Variants in DLG1 observed in about 807,000 individuals in gnomAD.
The protein encoded by DLG1 is disks large homolog 1.
DLG1 carries 42 observed loss-of-function variants against 123.4 expected under a neutral mutation model. The observed-to-expected ratio is 0.34, with a 90% CI of 0.27 to 0.44. The LOEUF (loss-of-function observed/expected upper bound fraction) is 0.44, where lower values mean the gene tolerates loss of function less well. Ranked by LOEUF, DLG1 falls within the 20% of genes least tolerant of loss-of-function variation. The pLI, the probability that DLG1 is intolerant of heterozygous loss-of-function variation, is 1.00. For missense variants in DLG1, 942 were observed against 1,082.6 expected, an observed-to-expected ratio of 0.87 and a Z score of 1.82; for synonymous variants, 317 against 356.2, an observed-to-expected ratio of 0.89 and a Z score of 1.24.
chr3:197,148,762 T>C (rs1792407906), intron 6 of DLG1, among the ~76,000 whole-genome samples: 1 of 152,170 alleles, frequency 6.6e-6, no homozygotes, highest in Non-Finnish European at 1.5e-5. Context: ...TGTTGGATTA[T>C]GCAATGGCTT....
chr3:197,205,078 C>T (rs1257308512), intron 4 of DLG1, among the ~76,000 whole-genome samples: 1 of 152,116 alleles, frequency 6.6e-6, no homozygotes, highest in Non-Finnish European at 1.5e-5. Flanking sequence ...AAAATGTGTT[C>T]AACCTTCATA....
intron 4 of DLG1, among the ~76,000 whole-genome samples, chr3:197,255,654 G>C (rs2150906913): frequency 6.6e-6 from 1 of 152,032 alleles, no homozygotes; most frequent in South Asian, 2.1e-4. Context: ...GCAATAAAAA[G>C]GAACAAGCTA....
chr3:197,220,967 C>T (rs1434662052), intron 4 of DLG1, among the ~76,000 whole-genome samples: 5 of 152,192 alleles, frequency 3.3e-5, no homozygotes, highest in Admixed American at 3.3e-4. Context: ...CCAATTCTAA[C>T]AAGCAAACTG....
chr3:197,272,683 A>G (rs1764419639), intron 4 of DLG1, among the ~76,000 whole-genome samples: 1 of 152,202 alleles, frequency 6.6e-6, no homozygotes. Flanking sequence ...GGATGAAAAA[A>G]CTTTACCTAC....
chr3:197,081,189 T>C (rs1027337980), intron 16 of DLG1, 72 bp from the exon 17 acceptor site: 18 of 1,413,216 alleles, frequency 1.3e-5, no homozygotes, highest in African/African-American at 4.3e-5. Flanking sequence ...ATAACCAGAA[T>C]TGTTATCTTT....
chr3:197,263,594 C>T (rs1007853093), intron 4 of DLG1, among the ~76,000 whole-genome samples: 4 of 152,072 alleles, frequency 2.6e-5, no homozygotes, highest in Non-Finnish European at 5.9e-5. Context: ...CGAGACCAGC[C>T]TGGCCAACAT....
At chr3:197,058,084 T>TC (rs529082952) in intron 23 of DLG1, among the ~76,000 whole-genome samples, 3 of 151,910 alleles carry the variant, frequency 2.0e-5, no homozygotes, top group Non-Finnish European at 1.5e-5. Flanking sequence ...GCTCAAGCAA[T>TC]CCCCCCATCT....
In DLG1 at chr3:197,281,022, CT is replaced by C. The variant is rs34918314; in HGVS notation, c.318+1656del. 6.4e-3 allele frequency among the ~76,000 whole-genome samples: 853 copies of C among 133,534 alleles called. 7 individuals carry two copies. The highest frequency in any genetic ancestry group is 0.019 in the African/African-American group (693 of 35,592). 87.6% of individuals were successfully genotyped at this position (133,534 alleles called of 152,430 possible). A position where few individuals can be genotyped will look rare whatever the true frequency, so the allele number is the denominator to read the frequency against. Reference sequence around the variant, plus strand: ...ACATGCTAAACTTTTTGTGGAGGCTCTTTTTTTTTTTTTTTTTTGAGACGGA... The same window carrying C: ...ACATGCTAAACTTTTTGTGGAGGCTCTTTTTTTTTTTTTTTTTGAGACGGA... On this transcript the variant is annotated intron_variant, in intron 4 of 24. Coordinates refer to ENST00000667157, the MANE Select transcript of DLG1 (RefSeq NM_001366207.1).
chr3:197,128,498 C>G (rs1429276409), intron 11 of DLG1, among the ~76,000 whole-genome samples: 1 of 152,202 alleles, frequency 6.6e-6, no homozygotes, highest in East Asian at 1.9e-4. Context: ...CTGGAATCAA[C>G]ATCTTTGAAA....
chr3:197,183,809 C>T, intron 5 of DLG1: 1 of 1,548,390 alleles, frequency 6.5e-7, no homozygotes, highest in South Asian at 1.2e-5. Context: ...TGTAATTCAT[C>T]TCTGCAGCCC....
At chr3:197,275,617 ATCTT>A (rs1201551477) in intron 4 of DLG1, among the ~76,000 whole-genome samples, 1 of 152,262 alleles carries the variant, frequency 6.6e-6, no homozygotes, top group Non-Finnish European at 1.5e-5. Flanking sequence ...CCTGAAGGAT[ATCTT>A]ATGAGAAATA....
intron 4 of DLG1, among the ~76,000 whole-genome samples, chr3:197,259,270 A>C (rs916273585): frequency 1.3e-5 from 2 of 152,202 alleles, no homozygotes; most frequent in Non-Finnish European, 2.9e-5. Flanking sequence ...GGTACAGAGA[A>C]GACATCTCCT....
intron 3 of DLG1, among the ~76,000 whole-genome samples, chr3:197,285,487 C>T (rs1243448564): frequency 6.6e-6 from 1 of 151,778 alleles, no homozygotes; most frequent in Non-Finnish European, 1.5e-5. Flanking sequence ...AAGCCACAGA[C>T]AGGGAGAAAA....
intron 4 of DLG1, among the ~76,000 whole-genome samples, chr3:197,214,154 T>G (rs924493844): frequency 2.0e-5 from 3 of 152,110 alleles, no homozygotes; most frequent in Non-Finnish European, 4.4e-5. Flanking sequence ...AATGGCCATT[T>G]GGGGAAAAAT....
chr3:197,069,240 T>C lies in DLG1; in HGVS notation c.2026A>G (p.Ser676Gly). The C allele has an allele frequency of 6.3e-7, 1 of 1,590,968 alleles. No homozygotes were observed. The change falls in exon 19 of 25, where the codon AGC (serine) becomes GGC (glycine). Residue 676 changes from serine to glycine, a missense_variant. Transcript: ENST00000667157. ...TTACGGTAACTACTTTCACTATCGCTGGCATTAGAAGTTACATGCTCTGAA... is the reference window on the plus strand; with the variant it reads ...TTACGGTAACTACTTTCACTATCGCCGGCATTAGAAGTTACATGCTCTGAA... The part of the protein sequence containing the change: ...DADQHVTSNA[S>G]DSESSYRGQE...
chr3:197,128,820 A>G (rs1781070542), intron 11 of DLG1, among the ~76,000 whole-genome samples: 1 of 152,144 alleles, frequency 6.6e-6, no homozygotes, highest in African/African-American at 2.4e-5. Context: ...TCAGAGCACT[A>G]ATATTTTGAA....
intron 4 of DLG1, among the ~76,000 whole-genome samples, chr3:197,256,968 A>C (rs544424554): frequency 1.3e-5 from 2 of 152,180 alleles, no homozygotes; most frequent in Non-Finnish European, 2.9e-5. Flanking sequence ...TATGATCTAC[A>C]CTAAAAAATT....
At position 197,211,125 on chromosome 3, in the gene DLG1, C is replaced by T. The variant is rs1731056402; in HGVS notation, c.319-16536G>A. ...TATGTGATCCAATTGAATACCAATTCATAAAACTCTCAGCAAACTAAAAAT... is the reference window on the plus strand; with the variant it reads ...TATGTGATCCAATTGAATACCAATTTATAAAACTCTCAGCAAACTAAAAAT... On this transcript the variant is annotated intron_variant, in intron 4 of 24. Coordinates refer to ENST00000667157, the MANE Select transcript of DLG1 (RefSeq NM_001366207.1). Among the ~76,000 whole-genome samples the T allele has an allele frequency of 1.4e-5, 2 of 146,204 alleles. 1 individual carries two copies. The highest frequency in any genetic ancestry group is 3.1e-5 in the Non-Finnish European group (2 of 65,224).
intron 12 of DLG1, among the ~76,000 whole-genome samples, chr3:197,116,516 T>C (rs953499494): frequency 1.3e-5 from 2 of 152,152 alleles, no homozygotes; most frequent in African/African-American, 4.8e-5. Context: ...GGATGAACCA[T>C]AACCAACCTA....
Sources: gnomAD v4.1 joint callset for allele counts (sites outside exome capture counted in the v4.1 genomes callset) on GRCh38, gnomAD v4.1.1 for gene constraint, MANE v1.5 for transcripts, NCBI Gene and HGNC (gene_info 2026-07-23, HGNC 2026-07-21) for gene names.